Variants in RNF10 observed in about 807,000 individuals in gnomAD.
RNF10 encodes the protein ring finger protein 10.
A neutral mutation model predicts 91.4 loss-of-function variants in RNF10; 38 were observed. That is an observed-to-expected ratio of 0.42 (90% CI 0.32 to 0.54). The LOEUF is 0.54. Among genes scored for constraint, RNF10 ranks in the 20% least tolerant of loss-of-function variants. RNF10 has a pLI of 0.16. For missense variants in RNF10, 945 were observed against 1,012.0 expected (o/e 0.93, Z 0.90); for synonymous variants, 364 against 366.3 (o/e 0.99, Z 0.07).
chr12:120,565,149 A>C lies in RNF10; in HGVS notation c.1743A>C (p.Gln581His). ...CEFSICELAL[Q>H]PPVVSKETLE... ...TCAGCATCTGTGAACTGGCTTTGCAACCTCCTGTGGTCTCTAAGGAAACCC... is the reference window on the plus strand; with the variant it reads ...TCAGCATCTGTGAACTGGCTTTGCACCCTCCTGTGGTCTCTAAGGAAACCC... Residue 581 changes from glutamine (Q) to histidine (H), a missense_variant, in exon 11 of 17, where the codon CAA becomes CAC. Physicochemically the swap from Gln to His is conservative, Grantham distance 24 (BLOSUM62 0). Coordinates refer to ENST00000325954, the MANE Select transcript of RNF10 (RefSeq NM_014868.5). 1 of 1,613,602 alleles carries C rather than the reference A, an allele frequency of 6.2e-7. No individual in the cohort carries two copies. The highest frequency in any genetic ancestry group is 8.5e-7 in the Non-Finnish European group (1 of 1,179,646).
rs1192373947 is a variant in RNF10 at position 120,562,914 on chromosome 12, C to T, written c.1129-31C>T. 1.1e-5 allele frequency: 18 copies of T among 1,613,038 alleles called. 1 individual carries two copies. Among genetic ancestry groups the T allele is most frequent in the Non-Finnish European group, 1.5e-5 (18 of 1,179,476 alleles). ...GCTAAGTGTGTGTCTGGAAACTTAA[C>T]CTTCTCTGGTGTTCTCTCTGGCCAC... On this transcript the variant is annotated intron_variant, in intron 7 of 16. Coordinates refer to ENST00000325954, the MANE Select transcript of RNF10 (RefSeq NM_014868.5).
rs1877514191 is a variant in RNF10 at position 120,577,254 on chromosome 12, C to G, written c.*588C>G. 6.9e-6 allele frequency: 3 copies of G among 433,558 alleles called. No individual in the cohort carries two copies. The highest frequency in any genetic ancestry group is 1.6e-5 in the South Asian group (1 of 60,636). 26.9% of individuals were successfully genotyped at this position (433,558 alleles called of 1,614,324 possible). ...TGGAGTAGGCTGTCCTTGGCACTTG[C>G]ATGTGTGAAAGGAGGGTTTTGCCTC... On this transcript the variant is annotated 3_prime_UTR_variant, in exon 17 of 17. Transcript: ENST00000325954.
At chr12:120,551,701 A>G (rs1873115199) in intron 2 of RNF10, among the ~76,000 whole-genome samples, 1 of 152,096 alleles carries the variant, frequency 6.6e-6, no homozygotes, top group African/African-American at 2.4e-5. Context: ...CAGGTGTATC[A>G]TAGTGCACTG....
At chr12:120,553,909 T>G (rs931896177) in intron 3 of RNF10, 3 of 150,844 alleles carry the variant, frequency 2.0e-5, no homozygotes, top group Admixed American at 2.0e-4. Context: ...TCTTCTGTTT[T>G]TTTTTTTTTT....
At chr12:120,566,724 T>C in intron 12 of RNF10, 101 bp from the exon 13 acceptor site, 1 of 1,118,498 alleles carries the variant, frequency 8.9e-7, no homozygotes, top group South Asian at 1.4e-5. Flanking sequence ...ATCGTACCAC[T>C]ACACTCCAGC....
At position 120,563,595 on chromosome 12, in the gene RNF10, C is replaced by A; in HGVS notation, c.1503C>A (p.Ser501Arg). 1 of 1,608,156 alleles carries A rather than the reference C, an allele frequency of 6.2e-7. No individual in the cohort carries two copies. The highest frequency in any genetic ancestry group is 8.5e-7 in the Non-Finnish European group (1 of 1,176,850). Residue 501 changes from serine to arginine, a missense_variant, in exon 9 of 17, where the codon AGC (serine) becomes AGA (arginine). Transcript: ENST00000325954. ...PITKSGFTRL[S>R]SSPCYYFYQA... ...CCAAGTCAGGCTTCACACGCCTCAG[C>A]AGCTCTCCTTGTTACTACTTTTACC...
At chr12:120,565,278 C>A in intron 11 of RNF10, 89 bp downstream of exon 11, 1 of 1,143,656 alleles carries the variant, frequency 8.7e-7, no homozygotes, top group Non-Finnish European at 1.3e-6. Flanking sequence ...ACTTATGGAA[C>A]TGTATCATGA....
At chr12:120,544,981 C>T (rs572599540) in intron 1 of RNF10, among the ~76,000 whole-genome samples, 1 of 152,148 alleles carries the variant, frequency 6.6e-6, no homozygotes, top group Non-Finnish European at 1.5e-5. Flanking sequence ...TAAAAATGCT[C>T]ACAGAGTAGT....
At chr12:120,542,113 G>A (rs561333834) in intron 1 of RNF10, among the ~76,000 whole-genome samples, 5 of 151,926 alleles carry the variant, frequency 3.3e-5, no homozygotes, top group South Asian at 4.2e-4. Flanking sequence ...TGATCCACCC[G>A]CCTCAGCATC....
At position 120,554,854 on chromosome 12, in the gene RNF10, A is replaced by G. The variant is rs534896460; in HGVS notation, c.645+46A>G. On this transcript the variant is annotated intron_variant, in intron 4 of 16. Transcript: ENST00000325954. ...CATAAGCTATGAATGGGAGCACTAAATAAAGGCACTGTGGTGACGCAGCAG... is the reference window on the plus strand; with the variant it reads ...CATAAGCTATGAATGGGAGCACTAAGTAAAGGCACTGTGGTGACGCAGCAG... 9.7e-6 allele frequency: 14 copies of G among 1,441,522 alleles called. No individual in the cohort carries two copies. The South Asian group carries it at 1.3e-4, about 13-fold the overall frequency. 89.3% of individuals were successfully genotyped at this position (1,441,522 alleles called of 1,614,324 possible).
intron 1 of RNF10, among the ~76,000 whole-genome samples, chr12:120,539,671 C>T (rs1374306998): frequency 6.6e-6 from 1 of 152,104 alleles, no homozygotes; most frequent in Non-Finnish European, 1.5e-5. Flanking sequence ...GGAGACCTTT[C>T]CATTAGGGAA....
intron 1 of RNF10, among the ~76,000 whole-genome samples, chr12:120,541,372 G>T (rs148852812): frequency 6.6e-6 from 1 of 151,662 alleles, no homozygotes; most frequent in East Asian, 1.9e-4. Context: ...GTGAAATGGA[G>T]TTAAGGAAAG....
chr12:120,551,595 G>C (rs1873102962), intron 2 of RNF10, among the ~76,000 whole-genome samples: 1 of 151,234 alleles, frequency 6.6e-6, no homozygotes, highest in Non-Finnish European at 1.5e-5. Flanking sequence ...TACTATTCCT[G>C]GTCACCCATC....
Position 120,554,796 on chromosome 12 carries a change from T to G in RNF10, c.633T>G (p.Phe211Leu). 6 of 1,613,866 alleles carry G rather than the reference T, an allele frequency of 3.7e-6. No individual in the cohort carries two copies. The highest frequency in any genetic ancestry group is 5.1e-6 in the Non-Finnish European group (6 of 1,179,742). ...CTGATACATTAGTTAACTGGGACTT[T>G]GTGGAACAAGTGGTGAGTAGCTCAG... ...ADPDTLVNWD[F>L]VEQVRICSHE... The change falls in exon 4 of 17, where the codon TTT becomes TTG. Residue 211 changes from phenylalanine (F) to leucine (L), a missense_variant. By Grantham distance (22) the Phe-to-Leu change is conservative. Transcript: ENST00000325954.
At chr12:120,554,511 A>G (rs1593077395) in intron 3 of RNF10, 1 of 518,032 alleles carries the variant, frequency 1.9e-6, no homozygotes. Context: ...AAAACAGTTC[A>G]TGGATTTAGA....
chr12:120,574,559 G>C (rs565953333), intron 14 of RNF10: 1 of 455,886 alleles, frequency 2.2e-6, no homozygotes, highest in Non-Finnish European at 4.4e-6. Context: ...CTGTTGAAGC[G>C]GTGTCAGGAG....
In RNF10 at chr12:120,534,937, G is replaced by A. The variant is rs1870512522; in HGVS notation, c.126G>A (p.Ala42=). ...KGQQPPRSAS[A]GPAGESKPKS... ...AACAGCCGCCCCGCTCCGCCTCGGC[G>A]GGGCCAGCCGGCGAGTCTAAACCCA... Residue 42 remains alanine (A), a synonymous_variant, in exon 1 of 17, where the codon GCG becomes GCA. Coordinates refer to ENST00000325954, the MANE Select transcript of RNF10 (RefSeq NM_014868.5). 1 of 1,602,360 alleles carries A rather than the reference G, an allele frequency of 6.2e-7. No individual in the cohort carries two copies. Among genetic ancestry groups the A allele is most frequent in the South Asian group, 1.1e-5 (1 of 90,798 alleles).
chr12:120,539,603 C>CT, intron 1 of RNF10: 1 of 397,922 alleles, frequency 2.5e-6, no homozygotes, highest in Non-Finnish European at 4.9e-6. Context: ...CTGTGAAAAA[C>CT]TTGTGGCCCT....
chr12:120,563,298 C>T (rs777194595), intron 8 of RNF10, 49 bp from the exon 9 acceptor site: 5 of 1,563,512 alleles, frequency 3.2e-6, no homozygotes, highest in African/African-American at 1.4e-5. Flanking sequence ...ACATTGCTTT[C>T]GGAAAGCAGG....
Sources: allele counts gnomAD v4.1 joint callset (sites outside exome capture counted in the v4.1 genomes callset), GRCh38; gene constraint gnomAD v4.1.1; transcripts MANE v1.5; gene names NCBI Gene and HGNC (gene_info 2026-07-23, HGNC 2026-07-21).